MTMR7: variants seen among roughly 807,000 people sequenced by gnomAD.
The protein encoded by MTMR7 is myotubularin related protein 7.
A neutral mutation model predicts 81.2 loss-of-function variants in MTMR7; 76 were observed. That is an observed-to-expected ratio of 0.94 (90% CI 0.78 to 1.13). The LOEUF (loss-of-function observed/expected upper bound fraction) is 1.13. MTMR7 is among the 50% of genes most tolerant of loss of function. The pLI is 0.00. For synonymous variants in MTMR7, 372 were observed against 289.8 expected, an observed-to-expected ratio of 1.28 and a Z score of -2.88; for missense variants, 1,044 against 820.0, an observed-to-expected ratio of 1.27 and a Z score of -3.34.
At chr8:17,384,363 A>G (rs905901584) in intron 1 of MTMR7, among the ~76,000 whole-genome samples, 6 of 152,144 alleles carry the variant, frequency 3.9e-5, no homozygotes, top group Admixed American at 3.9e-4. Context: ...GTCAGACATG[A>G]TCGTGCCACT....
At chr8:17,311,356 T>A (rs1817770863) in intron 9 of MTMR7, among the ~76,000 whole-genome samples, 155 bp downstream of exon 9, 4 of 152,182 alleles carry the variant, frequency 2.6e-5, no homozygotes, top group African/African-American at 9.7e-5. Flanking sequence ...TCTTGCTGAT[T>A]AAATTAATCT....
At chr8:17,345,514 G>A (rs376859046) in intron 5 of MTMR7, among the ~76,000 whole-genome samples, 52 of 152,346 alleles carry the variant, frequency 3.4e-4, no homozygotes, top group African/African-American at 1.2e-3. Flanking sequence ...GTGAGTATAT[G>A]TGACTGTTCA....
intron 1 of MTMR7, among the ~76,000 whole-genome samples, chr8:17,380,527 G>C (rs2150571832): frequency 1.3e-5 from 2 of 151,800 alleles, no homozygotes; most frequent in Middle Eastern, 6.8e-3. Context: ...AACTGTATTG[G>C]GCCATACCAC....
At chr8:17,386,834 C>G (rs1820957158) in intron 1 of MTMR7, among the ~76,000 whole-genome samples, 1 of 152,176 alleles carries the variant, frequency 6.6e-6, no homozygotes. Flanking sequence ...ACGCCACACA[C>G]CAAAAAAACA....
intron 1 of MTMR7, among the ~76,000 whole-genome samples, chr8:17,386,156 G>A (rs1259900532): frequency 6.6e-6 from 1 of 152,148 alleles, no homozygotes; most frequent in Admixed American, 6.5e-5. Context: ...CAGGAGGACT[G>A]CTTGAGCCCA....
intron 1 of MTMR7, among the ~76,000 whole-genome samples, chr8:17,393,298 C>A (rs1821157073): frequency 6.6e-6 from 1 of 152,170 alleles, no homozygotes; most frequent in Non-Finnish European, 1.5e-5. Context: ...AAGACCTAAA[C>A]AGTGTAAATC....
intron 1 of MTMR7, among the ~76,000 whole-genome samples, chr8:17,398,914 T>C (rs1057246769): frequency 1.3e-5 from 2 of 152,162 alleles, no homozygotes; most frequent in Admixed American, 1.3e-4. Context: ...CAATTTAAAA[T>C]AATGGATGAT....
intron 1 of MTMR7, among the ~76,000 whole-genome samples, chr8:17,411,959 G>C (rs1011020619): frequency 6.6e-6 from 1 of 152,200 alleles, no homozygotes; most frequent in African/African-American, 2.4e-5. Context: ...CAGAGTCCAT[G>C]AGTTAAATTC....
intron 7 of MTMR7, chr8:17,326,299 A>T (rs1343929945): frequency 6.6e-6 from 1 of 152,226 alleles, no homozygotes; most frequent in Admixed American, 6.5e-5. Context: ...CCGTAAAATG[A>T]AGATAAGAGT....
Position 17,413,343 on chromosome 8 carries a change from C to T in MTMR7, c.-51G>A, listed in dbSNP as rs772114175. 1 of 1,501,660 alleles carries T rather than the reference C, an allele frequency of 6.7e-7. No individual in the cohort carries two copies. The highest frequency in any genetic ancestry group is 1.3e-5 in the South Asian group (1 of 78,780). 93.0% of individuals were successfully genotyped at this position (1,501,660 alleles called of 1,614,324 possible). ...GGGCGGGCGCGGCCTCACGCACCTG[C>T]GCGCCTCTGCGGCGCGATGGGAGGG... is the stretch of plus-strand genomic sequence containing the variant. On this transcript the variant is annotated 5_prime_UTR_variant, in exon 1 of 14. Transcript: ENST00000180173.
intron 4 of MTMR7, among the ~76,000 whole-genome samples, chr8:17,355,425 G>C (rs2150552801): frequency 6.6e-6 from 1 of 152,218 alleles, no homozygotes; most frequent in African/African-American, 2.4e-5. Flanking sequence ...ATAAATTCAA[G>C]ATATCCTGAT....
At chr8:17,373,265 G>T (rs1367266409) in intron 1 of MTMR7, 25 bp from the exon 2 acceptor site, 2 of 1,601,322 alleles carry the variant, frequency 1.2e-6, no homozygotes, top group East Asian at 4.5e-5. Flanking sequence ...ATGATGAAAA[G>T]AGTTACCGTA....
At chr8:17,305,723 A>G (rs1586141353) in intron 11 of MTMR7, 34 bp downstream of exon 11, 2 of 1,545,438 alleles carry the variant, frequency 1.3e-6, no homozygotes, top group South Asian at 1.2e-5. Flanking sequence ...ATCTTTAAAT[A>G]AAAGTTAAAC....
At chr8:17,411,603 T>G (rs1474248975) in intron 1 of MTMR7, among the ~76,000 whole-genome samples, 1 of 152,246 alleles carries the variant, frequency 6.6e-6, no homozygotes, top group Non-Finnish European at 1.5e-5. Context: ...ACTCACCCAA[T>G]TCAGTAACAC....
chr8:17,309,713 A>T (rs1817681052), intron 9 of MTMR7, among the ~76,000 whole-genome samples: 1 of 152,060 alleles, frequency 6.6e-6, no homozygotes, highest in Admixed American at 6.6e-5. Flanking sequence ...TAGGAAGGAG[A>T]CCCCACTTCA....
chr8:17,327,815 A>G (rs1274549948), intron 7 of MTMR7, among the ~76,000 whole-genome samples: 4 of 152,194 alleles, frequency 2.6e-5, no homozygotes, highest in African/African-American at 9.7e-5. Flanking sequence ...ACATTTCTCT[A>G]ATTACCAGAG....
intron 5 of MTMR7, among the ~76,000 whole-genome samples, chr8:17,342,823 T>C (rs1397074015): frequency 6.6e-6 from 1 of 151,940 alleles, no homozygotes. Flanking sequence ...GCAGAGTCAC[T>C]CCAGGGTGGC....
At chr8:17,342,225 T>C (rs145495696) in intron 5 of MTMR7, among the ~76,000 whole-genome samples, 93 of 152,322 alleles carry the variant, frequency 6.1e-4, no homozygotes, top group Non-Finnish European at 4.4e-4. Context: ...GTAGTACAGA[T>C]CCTACCTTGC....
In MTMR7 at chr8:17,299,821, T is replaced by G. The variant is rs1431467496; in HGVS notation, c.*41A>C. 2 of 1,602,728 alleles carry G rather than the reference T, an allele frequency of 1.2e-6. No individual in the cohort carries two copies. The highest frequency in any genetic ancestry group is 1.7e-6 in the Non-Finnish European group (2 of 1,173,156). ...CCTTGTTCCCTTGTTTTTGGAAGTG[T>G]TGCTTATGTGTCCTTTACTTTGGAA... On this transcript the variant is annotated 3_prime_UTR_variant, in exon 14 of 14. Transcript: ENST00000180173.
Sources: allele counts gnomAD v4.1 joint callset (sites outside exome capture counted in the v4.1 genomes callset), GRCh38; gene constraint gnomAD v4.1.1; transcripts MANE v1.5; gene names NCBI Gene and HGNC (gene_info 2026-07-23, HGNC 2026-07-21).